RAB3C: variants seen among roughly 807,000 people sequenced by gnomAD.
The protein encoded by RAB3C is RAB3C, member RAS oncogene family, also known as ras-related protein Rab-3C.
In RAB3C, 17 loss-of-function variants were observed where a neutral mutation model predicts 26.4. The ratio of observed to expected loss-of-function variants is 0.64; its 90% CI spans 0.44 to 0.97. The LOEUF is 0.97. Among genes scored for constraint, RAB3C ranks in the 50% least tolerant of loss-of-function variants. The probability of loss-of-function intolerance (pLI) is 0.00; values close to 1 mark genes in which losing one functional copy is unlikely to be tolerated. For missense variants in RAB3C, 242 were observed against 281.9 expected (o/e 0.86, Z 1.01); for synonymous variants, 91 against 95.9 (o/e 0.95, Z 0.30).
At chr5:58,687,896 T>G (rs2111852794) in intron 2 of RAB3C, among the ~76,000 whole-genome samples, 1 of 152,248 alleles carries the variant, frequency 6.6e-6, no homozygotes, top group Middle Eastern at 3.4e-3. Flanking sequence ...ATTTGTGAGC[T>G]GAGTCCCTGA....
chr5:58,811,594 A>G (rs1743092353), intron 3 of RAB3C, among the ~76,000 whole-genome samples: 1 of 152,100 alleles, frequency 6.6e-6, no homozygotes, highest in Non-Finnish European at 1.5e-5. Flanking sequence ...GGCCCTGAGA[A>G]TAATCTTTCC....
intron 2 of RAB3C, among the ~76,000 whole-genome samples, chr5:58,720,734 T>A (rs148638197): frequency 1.3e-5 from 2 of 152,042 alleles, no homozygotes; most frequent in East Asian, 3.9e-4. Context: ...GTCTACTTTA[T>A]CATGTATCAG....
intron 3 of RAB3C, among the ~76,000 whole-genome samples, chr5:58,804,375 C>T (rs1742885007): frequency 1.3e-5 from 2 of 152,062 alleles, no homozygotes; most frequent in South Asian, 4.2e-4. Flanking sequence ...TTGCAGAGTC[C>T]CCAGAAATTG....
chr5:58,750,139 T>C (rs1741491646), intron 3 of RAB3C, among the ~76,000 whole-genome samples: 1 of 152,214 alleles, frequency 6.6e-6, no homozygotes, highest in African/African-American at 2.4e-5. Flanking sequence ...TTTTATAATA[T>C]ATTTTGCTAT....
At chr5:58,677,351 A>T (rs1490384656) in intron 2 of RAB3C, among the ~76,000 whole-genome samples, 1 of 152,038 alleles carries the variant, frequency 6.6e-6, no homozygotes, top group Non-Finnish European at 1.5e-5. Context: ...ATCTATACAC[A>T]CTCTACTAAA....
intron 2 of RAB3C, among the ~76,000 whole-genome samples, chr5:58,681,736 C>T (rs1748348512): frequency 6.6e-6 from 1 of 152,094 alleles, no homozygotes; most frequent in South Asian, 2.1e-4. Context: ...CCTATAAATA[C>T]TAGACTAGAA....
intron 3 of RAB3C, among the ~76,000 whole-genome samples, chr5:58,782,356 A>C (rs1742290590): frequency 6.6e-6 from 1 of 152,170 alleles, no homozygotes; most frequent in East Asian, 1.9e-4. Flanking sequence ...ATGCCCCCCT[A>C]CTTCCTCTAA....
rs1744172288 is a variant in RAB3C at position 58,853,921 on chromosome 5, A to T, written c.*2570A>T. On this transcript the variant is annotated 3_prime_UTR_variant, in exon 5 of 5. Coordinates refer to ENST00000282878, the MANE Select transcript of RAB3C (RefSeq NM_138453.4). ...CAAAAAATCCGGGTTTTAACATCAA[A>T]TTTGGCAAATGGTGGGACCAACCCA... 6.6e-6 allele frequency: 1 copy of T among 152,066 alleles called. No individual in the cohort carries two copies. The highest frequency in any genetic ancestry group is 6.6e-5 in the Admixed American group (1 of 15,254). The allele number at this position is 152,066 out of a possible 1,614,324, so 9.4% of individuals were successfully genotyped here. A position where few individuals can be genotyped will look rare whatever the true frequency, so the allele number is the denominator to read the frequency against.
intron 3 of RAB3C, among the ~76,000 whole-genome samples, chr5:58,805,590 A>T (rs930718335): frequency 7.6e-5 from 9 of 118,764 alleles, no homozygotes; most frequent in Admixed American, 2.9e-4. Flanking sequence ...ACTCCATCTG[A>T]AAAAAAAAAA....
intron 2 of RAB3C, among the ~76,000 whole-genome samples, chr5:58,699,607 A>C (rs1034673648): frequency 2.6e-5 from 4 of 152,168 alleles, no homozygotes; most frequent in African/African-American, 9.7e-5. Flanking sequence ...TTGTTGAGCT[A>C]AGGTGGGCTC....
chr5:58,788,196 C>T (rs1008594108), intron 3 of RAB3C: 2 of 152,290 alleles, frequency 1.3e-5, no homozygotes, highest in Middle Eastern at 3.2e-3. Context: ...TAATTCAGCT[C>T]TCTCTGCATG....
At chr5:58,582,824 G>A (rs2111640510), upstream of RAB3C, among the ~76,000 whole-genome samples, 1 of 152,350 alleles carries the variant, frequency 6.6e-6, no homozygotes. Flanking sequence ...ACATTCGCCT[G>A]CCCCTGGCGA....
At chr5:58,834,031 CA>C (rs1743679979) in intron 4 of RAB3C, among the ~76,000 whole-genome samples, 2 of 152,108 alleles carry the variant, frequency 1.3e-5, no homozygotes, top group Non-Finnish European at 2.9e-5. Flanking sequence ...GAAATTAGTT[CA>C]AAAAAGTAAA....
chr5:58,845,522 C>T (rs572364596), intron 4 of RAB3C, among the ~76,000 whole-genome samples: 8 of 150,238 alleles, frequency 5.3e-5, no homozygotes, highest in South Asian at 4.2e-4. Context: ...TTTCCCCAAT[C>T]GGCCATGGGG....
chr5:58,592,516 C>A (rs1746155765), intron 1 of RAB3C, among the ~76,000 whole-genome samples: 1 of 151,744 alleles, frequency 6.6e-6, no homozygotes, highest in Admixed American at 6.6e-5. Context: ...ACCTATGTAC[C>A]ATTTCTGGTA....
intron 1 of RAB3C, among the ~76,000 whole-genome samples, chr5:58,602,885 A>G (rs903594307): frequency 6.6e-6 from 1 of 151,894 alleles, no homozygotes; most frequent in Non-Finnish European, 1.5e-5. Context: ...TCATCATGCA[A>G]TGGTATTTTT....
chr5:58,606,032 T>C (rs113014088), intron 1 of RAB3C, among the ~76,000 whole-genome samples: 19 of 152,294 alleles, frequency 1.2e-4, no homozygotes, highest in African/African-American at 4.6e-4. Context: ...ACCTGGTTCA[T>C]CTCATTAGGA....
At chr5:58,632,360 G>A (rs536825761) in intron 2 of RAB3C, among the ~76,000 whole-genome samples, 2 of 152,326 alleles carry the variant, frequency 1.3e-5, no homozygotes, top group African/African-American at 2.4e-5. Context: ...TGTTATAACT[G>A]TAGATTTTGA....
rs756779772 is a variant in RAB3C, at chr5:58,858,393, G to A, written c.*7042G>A. 1.3e-5 allele frequency: 2 copies of A among 152,138 alleles called. No individual in the cohort carries two copies. Among genetic ancestry groups the A allele is most frequent in the Non-Finnish European group, 1.5e-5 (1 of 68,026 alleles). The allele number at this position is 152,138 out of a possible 1,614,324, so 9.4% of individuals were successfully genotyped here. The stretch of plus-strand genomic sequence containing the variant: ...GGGTGTGGTTGAATTTTAGTTAGTT[G>A]TCACATAGTTATTGAACCTCATATG... On this transcript the variant is annotated 3_prime_UTR_variant, in exon 5 of 5. Coordinates refer to ENST00000282878, the MANE Select transcript of RAB3C (RefSeq NM_138453.4).
Sources: allele counts gnomAD v4.1 joint callset (sites outside exome capture counted in the v4.1 genomes callset), GRCh38; gene constraint gnomAD v4.1.1; transcripts MANE v1.5; gene names NCBI Gene and HGNC (gene_info 2026-07-23, HGNC 2026-07-21).